Variants in RNMT observed in about 807,000 individuals in gnomAD.
The protein encoded by RNMT is RNA guanine-7 methyltransferase, also known as mRNA cap guanine-N(7) methyltransferase.
A neutral mutation model predicts 56.0 loss-of-function variants in RNMT; 27 were observed. The ratio of observed to expected loss-of-function variants is 0.48; its 90% CI spans 0.36 to 0.67. The LOEUF (loss-of-function observed/expected upper bound fraction) is 0.67. Ranked by LOEUF, RNMT falls within the 30% of genes least tolerant of loss-of-function variation. RNMT has a pLI of 0.00. For missense variants in RNMT, 519 were observed against 552.1 expected, an observed-to-expected ratio of 0.94 and a Z score of 0.60; for synonymous variants, 184 against 176.2, an observed-to-expected ratio of 1.04 and a Z score of -0.35.
At chr18:13,733,220 A>G (rs2044103272) in intron 3 of RNMT, among the ~76,000 whole-genome samples, 1 of 152,166 alleles carries the variant, frequency 6.6e-6, no homozygotes, top group Admixed American at 6.5e-5. Context: ...TTGGCTGAAA[A>G]GGGAGGTAGG....
At chr18:13,743,256 G>C (rs2044282854) in intron 8 of RNMT, among the ~76,000 whole-genome samples, 2 of 150,470 alleles carry the variant, frequency 1.3e-5, no homozygotes, top group Non-Finnish European at 3.0e-5. Context: ...CCGGGAGGCG[G>C]AGCTTGCAGT....
chr18:13,731,849 A>T lies in RNMT; in HGVS notation c.332A>T (p.Asp111Val). The change falls in exon 3 of 12, where the codon GAT becomes GTT. Residue 111 changes from aspartate (D) to valine (V), a missense_variant. Asp to Val is a radical substitution (Grantham distance 152). Coordinates refer to ENST00000383314, the MANE Select transcript of RNMT (RefSeq NM_003799.3). ...AAGAAAAGAAAAAGAGAAACTGAGG[A>T]TGTTCCAAAAGATAAATCTTCTACT... ...NSKKRKRETEDVPKDKSSTGD... is the reference protein window; with the variant it reads ...NSKKRKRETEVVPKDKSSTGD... The T allele has an allele frequency of 6.2e-7, 1 of 1,613,110 alleles. No individual in the cohort carries two copies. The highest frequency in any genetic ancestry group is 8.5e-7 in the Non-Finnish European group (1 of 1,179,826).
chr18:13,743,620 G>A (rs559396313), intron 8 of RNMT, among the ~76,000 whole-genome samples: 4 of 152,020 alleles, frequency 2.6e-5, no homozygotes, highest in Admixed American at 6.5e-5. Context: ...GAGTTTCCCC[G>A]GTGGGGAGAG....
At chr18:13,743,157 T>C (rs2044281248) in intron 8 of RNMT, 1 of 151,364 alleles carries the variant, frequency 6.6e-6, no homozygotes, top group African/African-American at 2.4e-5. Context: ...ACCCCGTCTC[T>C]ACTAAAAATA....
At chr18:13,752,186 C>T in intron 9 of RNMT, 140 bp from the exon 10 acceptor site, 21 of 553,396 alleles carry the variant, frequency 3.8e-5, no homozygotes, top group South Asian at 6.1e-5. Context: ...TTCTGTATTT[C>T]AAAAGTATGT....
At chr18:13,744,273 G>A (rs1394321639) in intron 8 of RNMT, among the ~76,000 whole-genome samples, 1 of 147,982 alleles carries the variant, frequency 6.8e-6, no homozygotes, top group African/African-American at 2.5e-5. Context: ...AGTATTGGAT[G>A]AAATAGAATC....
chr18:13,753,241 G>C (rs997163195), intron 10 of RNMT, among the ~76,000 whole-genome samples: 1 of 152,144 alleles, frequency 6.6e-6, no homozygotes, highest in African/African-American at 2.4e-5. Context: ...GGCCGAGGCA[G>C]GTGGATCATG....
At chr18:13,756,424 G>A (rs951443869) in intron 11 of RNMT, among the ~76,000 whole-genome samples, 1 of 152,096 alleles carries the variant, frequency 6.6e-6, no homozygotes, top group African/African-American at 2.4e-5. Flanking sequence ...ATGGGTGTGT[G>A]GGGGGTGGGA....
chr18:13,740,350 C>A, intron 6 of RNMT, 71 bp downstream of exon 6: 1 of 873,276 alleles, frequency 1.1e-6, no homozygotes, highest in Non-Finnish European at 1.8e-6. Context: ...TTTTAAAAAT[C>A]AACTCAATTT....
At chr18:13,751,960 G>A (rs1182523460) in intron 9 of RNMT, among the ~76,000 whole-genome samples, 1 of 152,040 alleles carries the variant, frequency 6.6e-6, no homozygotes, top group Non-Finnish European at 1.5e-5. Context: ...ACACACCGGG[G>A]GGCCTGTCAT....
intron 11 of RNMT, 89 bp downstream of exon 11, chr18:13,754,236 G>A (rs1248269724): frequency 5.9e-6 from 5 of 841,408 alleles, no homozygotes; most frequent in African/African-American, 5.2e-5. Context: ...GCTGGGCACT[G>A]TGGCTCACAC....
intron 5 of RNMT, among the ~76,000 whole-genome samples, chr18:13,738,421 G>A (rs954842596): frequency 2.0e-5 from 3 of 152,248 alleles, no homozygotes; most frequent in African/African-American, 7.2e-5. Flanking sequence ...TTGATAAGTA[G>A]TTGTAAAATA....
At chr18:13,732,080 A>G (rs1485055017) in intron 3 of RNMT, 146 bp downstream of exon 3, 2 of 559,254 alleles carry the variant, frequency 3.6e-6, no homozygotes, top group African/African-American at 3.8e-5. Flanking sequence ...GTAGGCTTTT[A>G]ACTCTTATGA....
rs764863670 is a variant in RNMT, at chr18:13,731,796, A to G, written c.279A>G (p.Lys93=). 1 of 1,613,688 alleles carries G rather than the reference A, an allele frequency of 6.2e-7. No homozygotes were observed. Among genetic ancestry groups the G allele is most frequent in the Non-Finnish European group, 8.5e-7 (1 of 1,179,968 alleles). ...ATCCTGAAATTGTCCCAGAGGAAAAAGATTGTGGTGATGCTGAAGGCAATT... is the reference window on the plus strand; with the variant it reads ...ATCCTGAAATTGTCCCAGAGGAAAAGGATTGTGGTGATGCTGAAGGCAATT... ...KLDPEIVPEE[K]DCGDAEGNSK... Residue 93 remains lysine (K), a synonymous_variant, in exon 3 of 12, where the codon AAA becomes AAG. Coordinates refer to ENST00000383314, the MANE Select transcript of RNMT (RefSeq NM_003799.3).
intron 9 of RNMT, among the ~76,000 whole-genome samples, chr18:13,751,011 C>G (rs930922201): frequency 1.3e-5 from 2 of 152,004 alleles, no homozygotes; most frequent in African/African-American, 4.8e-5. Context: ...CCATAAAAAC[C>G]CTAGAAGAAA....
intron 8 of RNMT, among the ~76,000 whole-genome samples, chr18:13,743,353 T>A (rs1162867464): frequency 3.9e-4 from 58 of 147,780 alleles, no homozygotes; most frequent in South Asian, 8.7e-4. Flanking sequence ...AATAAATAAA[T>A]AAATAAATAA....
chr18:13,743,482 C>G (rs1568505980), intron 8 of RNMT, among the ~76,000 whole-genome samples: 2 of 152,098 alleles, frequency 1.3e-5, no homozygotes, highest in East Asian at 3.9e-4. Flanking sequence ...AATCCTGATT[C>G]AGGAATGTAT....
chr18:13,754,393 G>A (rs1378214031), intron 11 of RNMT, among the ~76,000 whole-genome samples: 1 of 152,120 alleles, frequency 6.6e-6, no homozygotes, highest in Non-Finnish European at 1.5e-5. Flanking sequence ...CTGTAGTCCA[G>A]CTACTCAGGA....
chr18:13,747,561 A>G (rs981440341), intron 9 of RNMT, among the ~76,000 whole-genome samples: 1 of 152,180 alleles, frequency 6.6e-6, no homozygotes, highest in African/African-American at 2.4e-5. Flanking sequence ...GGCTCAGAGG[A>G]TAATGACTTG....
Sources: allele counts gnomAD v4.1 joint callset (sites outside exome capture counted in the v4.1 genomes callset), GRCh38; gene constraint gnomAD v4.1.1; transcripts MANE v1.5; gene names NCBI Gene and HGNC (gene_info 2026-07-23, HGNC 2026-07-21).